Variants in DAB1 observed in about 807,000 individuals in gnomAD.
DAB1 encodes disabled homolog 1.
DAB1 carries 15 observed loss-of-function variants against 64.6 expected under a neutral mutation model. The observed-to-expected ratio is 0.23, with a 90% CI of 0.16 to 0.36. The LOEUF (loss-of-function observed/expected upper bound fraction) is 0.36, where lower values mean the gene tolerates loss of function less well. Among genes scored for constraint, DAB1 ranks in the 10% least tolerant of loss-of-function variants. The pLI is 1.00. For synonymous variants in DAB1, 235 were observed against 251.9 expected, an observed-to-expected ratio of 0.93 and a Z score of 0.64; for missense variants, 596 against 706.7, an observed-to-expected ratio of 0.84 and a Z score of 1.78.
chr1:58,072,356 G>C (rs887175279), intron 5 of DAB1, among the ~76,000 whole-genome samples: 1 of 152,136 alleles, frequency 6.6e-6, no homozygotes, highest in Non-Finnish European at 1.5e-5. Context: ...GGTAGTTACT[G>C]TCATTATCCC....
At chr1:56,998,598 C>G (rs1645723721) in intron 14 of DAB1, among the ~76,000 whole-genome samples, 1 of 152,330 alleles carries the variant, frequency 6.6e-6, no homozygotes, top group African/African-American at 2.4e-5. Context: ...GGACATTTTT[C>G]CAACACAGTT....
intron 7 of DAB1, among the ~76,000 whole-genome samples, chr1:57,568,669 TG>T (rs1247118984): frequency 6.6e-6 from 1 of 151,766 alleles, no homozygotes; most frequent in East Asian, 1.9e-4. Flanking sequence ...AACAGACACA[TG>T]AAAAAAATGC....
intron 3 of DAB1, among the ~76,000 whole-genome samples, chr1:58,370,173 A>G (rs986457865): frequency 2.6e-5 from 4 of 152,234 alleles, no homozygotes; most frequent in African/African-American, 7.2e-5. Flanking sequence ...AGGGGAACGG[A>G]TTTTTAAAAT....
intron 4 of DAB1, among the ~76,000 whole-genome samples, chr1:58,289,614 T>A (rs112091794): frequency 2.8e-4 from 43 of 152,342 alleles, no homozygotes; most frequent in African/African-American, 8.9e-4. Flanking sequence ...TGAAAGGCAA[T>A]TAATTTTCCT....
At chr1:57,807,728 C>T (rs947071495) in intron 6 of DAB1, among the ~76,000 whole-genome samples, 9 of 151,998 alleles carry the variant, frequency 5.9e-5, no homozygotes, top group Non-Finnish European at 1.5e-5. Context: ...CCGCCTCTCC[C>T]ACCTTGCCTT....
At chr1:58,543,805 C>CA (rs1646659103) in intron 1 of DAB1, among the ~76,000 whole-genome samples, 1 of 152,150 alleles carries the variant, frequency 6.6e-6, no homozygotes, top group Non-Finnish European at 1.5e-5. Flanking sequence ...GTGGCAAACT[C>CA]AAACGTCTAA....
intron 3 of DAB1, among the ~76,000 whole-genome samples, chr1:58,372,339 C>T (rs958729519): frequency 1.3e-5 from 2 of 152,196 alleles, no homozygotes; most frequent in South Asian, 4.1e-4. Flanking sequence ...CCTGTGGCCC[C>T]TTTGTTTTGG....
intron 3 of DAB1, among the ~76,000 whole-genome samples, chr1:58,430,388 G>A (rs1181234039): frequency 6.6e-6 from 1 of 152,206 alleles, no homozygotes; most frequent in Non-Finnish European, 1.5e-5. Flanking sequence ...AGGATGGGTT[G>A]CATTCAGAAC....
At chr1:57,859,548 C>A (rs1653912293) in intron 1 of DAB1, among the ~76,000 whole-genome samples, 1 of 152,062 alleles carries the variant, frequency 6.6e-6, no homozygotes, top group Non-Finnish European at 1.5e-5. Context: ...AGTGGTAGAC[C>A]AGGAGGACTT....
At chr1:57,544,005 G>A (rs374793641) in intron 7 of DAB1, among the ~76,000 whole-genome samples, 3 of 152,272 alleles carry the variant, frequency 2.0e-5, no homozygotes, top group African/African-American at 7.2e-5. Context: ...CTATTCAGGA[G>A]GCTGAGGTGG....
intron 4 of DAB1, among the ~76,000 whole-genome samples, chr1:57,093,177 G>T (rs1653849544): frequency 6.6e-6 from 1 of 152,186 alleles, no homozygotes; most frequent in Non-Finnish European, 1.5e-5. Context: ...GGGTTCTGGT[G>T]GGGTTTCAGG....
intron 8 of DAB1, among the ~76,000 whole-genome samples, chr1:57,064,017 A>G (rs1329376351): frequency 6.6e-6 from 1 of 152,226 alleles, no homozygotes; most frequent in Non-Finnish European, 1.5e-5. Flanking sequence ...GAGCAGGCAT[A>G]GTGCCTAACA....
intron 5 of DAB1, among the ~76,000 whole-genome samples, chr1:58,111,075 G>A (rs940507114): frequency 6.6e-6 from 1 of 152,200 alleles, no homozygotes; most frequent in African/African-American, 2.4e-5. Context: ...TGTGCAGTGG[G>A]TGGAGGTGTA....
intron 5 of DAB1, among the ~76,000 whole-genome samples, chr1:58,105,415 C>T (rs1213771): frequency 0.26 from 39,568 of 151,972 alleles, 6,186 homozygotes; most frequent in East Asian, 0.49. Context: ...GCTGGGTGCC[C>T]GCATGCATCA....
chr1:58,102,130 AC>A (rs1651355776), intron 5 of DAB1, among the ~76,000 whole-genome samples: 1 of 152,228 alleles, frequency 6.6e-6, no homozygotes, highest in Non-Finnish European at 1.5e-5. Flanking sequence ...AGGTTAAGTC[AC>A]TTCTCCAAGG....
chr1:57,384,226 AAAAC>A (rs1186768888), intron 1 of DAB1, among the ~76,000 whole-genome samples: 3 of 152,286 alleles, frequency 2.0e-5, no homozygotes, highest in South Asian at 4.1e-4. Context: ...GGCTGCTATA[AAAAC>A]AAACAAACAA....
chr1:58,169,182 T>C (rs1042057899), intron 4 of DAB1, among the ~76,000 whole-genome samples: 2 of 152,124 alleles, frequency 1.3e-5, no homozygotes, highest in African/African-American at 4.8e-5. Flanking sequence ...CCAGGGACCG[T>C]TGCAGGTTCT....
chr1:58,464,700 A>G (rs1645277204), intron 3 of DAB1, among the ~76,000 whole-genome samples: 1 of 152,246 alleles, frequency 6.6e-6, no homozygotes, highest in Non-Finnish European at 1.5e-5. Context: ...AAAGGCACCT[A>G]ATAAAATATA....
chr1:57,507,933 T>C (rs913503905), intron 7 of DAB1, among the ~76,000 whole-genome samples: 1 of 152,196 alleles, frequency 6.6e-6, no homozygotes, highest in African/African-American at 2.4e-5. Context: ...CAGTGAGCGT[T>C]AGAATCATCT....
Sources: allele counts gnomAD v4.1 joint callset (sites outside exome capture counted in the v4.1 genomes callset), GRCh38; gene constraint gnomAD v4.1.1; transcripts MANE v1.5; gene names NCBI Gene and HGNC (gene_info 2026-07-23, HGNC 2026-07-21).